NCKAP5: variants seen among roughly 807,000 people sequenced by gnomAD.
NCKAP5 encodes the protein nck-associated protein 5.
In NCKAP5, 92 loss-of-function variants were observed where a neutral mutation model predicts 167.0. The observed-to-expected ratio is 0.55, with a 90% CI of 0.47 to 0.66. The LOEUF (loss-of-function observed/expected upper bound fraction) is 0.66, where lower values mean the gene tolerates loss of function less well. NCKAP5 is among the 30% of genes least tolerant of loss of function. The pLI is 0.00. For synonymous variants in NCKAP5, 891 were observed against 877.4 expected (o/e 1.02, Z -0.27); for missense variants, 2,378 against 2,315.0 (o/e 1.03, Z -0.56).
intron 19 of NCKAP5, among the ~76,000 whole-genome samples, chr2:132,721,144 C>T (rs1558968037): frequency 6.6e-6 from 1 of 151,930 alleles, no homozygotes; most frequent in Non-Finnish European, 1.5e-5. Flanking sequence ...CCCGTCTCTA[C>T]TAAAAATACA....
the NCKAP5 span, among the ~76,000 whole-genome samples, chr2:133,598,101 A>G: frequency 6.6e-6 from 1 of 152,212 alleles, no homozygotes; most frequent in African/African-American, 2.4e-5. Flanking sequence ...GTTATCCTCA[A>G]GTGAGTTATT....
intron 19 of NCKAP5, among the ~76,000 whole-genome samples, chr2:132,699,498 G>A (rs1371063105): frequency 6.6e-6 from 1 of 150,580 alleles, no homozygotes; most frequent in Non-Finnish European, 1.5e-5. Flanking sequence ...CCCCACGACA[G>A]GCCCTGGTGT....
At chr2:133,222,147 C>T (rs1017965812) in intron 4 of NCKAP5, among the ~76,000 whole-genome samples, 4 of 152,048 alleles carry the variant, frequency 2.6e-5, no homozygotes, top group African/African-American at 7.2e-5. Flanking sequence ...GGATTAAGAA[C>T]CCCTTTACAC....
chr2:133,433,190 T>C (rs1690266176), intron 3 of NCKAP5, among the ~76,000 whole-genome samples: 1 of 152,240 alleles, frequency 6.6e-6, no homozygotes, highest in Non-Finnish European at 1.5e-5. Flanking sequence ...TGTATGACTT[T>C]AATGTGGTAA....
At chr2:133,183,068 G>A (rs749205608) in intron 5 of NCKAP5, among the ~76,000 whole-genome samples, 2 of 151,840 alleles carry the variant, frequency 1.3e-5, no homozygotes, top group Non-Finnish European at 2.9e-5. Flanking sequence ...ATAAGAAACA[G>A]ATAATTTCCA....
chr2:132,963,088 T>A lies in NCKAP5; in HGVS notation c.579+632A>T, dbSNP rs370370050. On this transcript the variant is annotated intron_variant, in intron 8 of 19. Transcript: ENST00000409261. ...TCAAGAACTAGTAACTAGAATGGTC[T>A]TTGATGACTGCTATAAAAATTCATG... Among the ~76,000 whole-genome samples the A allele has an allele frequency of 5.9e-5, 9 of 151,994 alleles. 1 individual carries two copies. In the East Asian group the frequency reaches 1.8e-3, roughly 30 times the overall value.
intron 8 of NCKAP5, among the ~76,000 whole-genome samples, chr2:132,941,425 G>A (rs1407173176): frequency 6.6e-6 from 1 of 152,158 alleles, no homozygotes; most frequent in Non-Finnish European, 1.5e-5. Flanking sequence ...AATCAGTGTA[G>A]TCCAACCAGT....
chr2:133,529,878 C>T (rs1685219477), intron 2 of NCKAP5, among the ~76,000 whole-genome samples: 1 of 152,072 alleles, frequency 6.6e-6, no homozygotes, highest in Non-Finnish European at 1.5e-5. Context: ...CCTATTGCCT[C>T]TTCCTTTTTG....
chr2:133,496,388 T>C (rs1022373753), intron 3 of NCKAP5, among the ~76,000 whole-genome samples: 1 of 152,176 alleles, frequency 6.6e-6, no homozygotes, highest in Non-Finnish European at 1.5e-5. Context: ...CTTCAGCTCA[T>C]GTTCATCTCC....
At chr2:133,165,067 G>A (rs1189303994) in intron 5 of NCKAP5, among the ~76,000 whole-genome samples, 2 of 134,340 alleles carry the variant, frequency 1.5e-5, no homozygotes, top group African/African-American at 5.6e-5. Context: ...AAACTTTCGG[G>A]TGTCACAGCT....
At chr2:133,064,463 A>G (rs1210860301) in intron 6 of NCKAP5, among the ~76,000 whole-genome samples, 1 of 152,168 alleles carries the variant, frequency 6.6e-6, no homozygotes, top group Non-Finnish European at 1.5e-5. Context: ...CTCTAAGCAG[A>G]TAATGCCATG....
At chr2:133,606,776 G>C in the NCKAP5 span, among the ~76,000 whole-genome samples, 5 of 150,220 alleles carry the variant, frequency 3.3e-5, no homozygotes, top group South Asian at 1.0e-3. Flanking sequence ...TTTAGCCTGA[G>C]AGCTTTTCTA....
At chr2:133,249,554 T>C (rs717758) in intron 4 of NCKAP5, among the ~76,000 whole-genome samples, 2 of 152,228 alleles carry the variant, frequency 1.3e-5, no homozygotes, top group Non-Finnish European at 2.9e-5. Flanking sequence ...ATACACTTTA[T>C]CTCTGATTGT....
In NCKAP5 at chr2:132,789,825, C is replaced by T. The variant is rs147670394; in HGVS notation, c.1092+198G>A. ...AGTTGTGGTCTCTGTCATCTCACCA[C>T]GCTGCCCTCCAATTTATAGTCAAAT... On this transcript the variant is annotated intron_variant, in intron 13 of 19. Coordinates refer to ENST00000409261, the MANE Select transcript of NCKAP5 (RefSeq NM_207363.3). 5.9e-3 allele frequency among the ~76,000 whole-genome samples: 902 copies of T among 152,266 alleles called. 4 individuals carry two copies. The highest frequency in any genetic ancestry group is 9.9e-3 in the Non-Finnish European group (671 of 68,026).
rs201749240 is a variant in NCKAP5, at chr2:132,956,037, A to C, written c.579+7683T>G. ...AGACAGGGTGGTCAAAGGGTACAAA[A>C]TCTGTTGATAATAGAGTATTACACA... On this transcript the variant is annotated intron_variant, in intron 8 of 19. Coordinates refer to ENST00000409261, the MANE Select transcript of NCKAP5 (RefSeq NM_207363.3). 7.3e-4 allele frequency among the ~76,000 whole-genome samples: 111 copies of C among 152,280 alleles called. 2 individuals are homozygous for C. The East Asian group carries it at 0.019, about 26-fold the overall frequency.
chr2:133,612,009 G>A, the NCKAP5 span, among the ~76,000 whole-genome samples: 1 of 152,120 alleles, frequency 6.6e-6, no homozygotes, highest in Non-Finnish European at 1.5e-5. Flanking sequence ...CTATGGTCAG[G>A]TAGGTATACT....
chr2:133,460,254 G>A (rs1354171282), intron 3 of NCKAP5, among the ~76,000 whole-genome samples: 1 of 152,104 alleles, frequency 6.6e-6, no homozygotes, highest in East Asian at 1.9e-4. Flanking sequence ...CTCACTTACT[G>A]AGCTGAATCA....
chr2:133,508,254 T>C lies in NCKAP5; in HGVS notation c.69+9204A>G, dbSNP rs79885917. On this transcript the variant is annotated intron_variant, in intron 3 of 19. Coordinates refer to ENST00000409261, the MANE Select transcript of NCKAP5 (RefSeq NM_207363.3). ...TGTGGCTTTCTCAATAAATTTCTGCTTCAGGGAACTCAAGGACACCATAGA... is the reference window on the plus strand; with the variant it reads ...TGTGGCTTTCTCAATAAATTTCTGCCTCAGGGAACTCAAGGACACCATAGA... Among the ~76,000 whole-genome samples, 300 of 152,254 alleles carry C rather than the reference T, an allele frequency of 2.0e-3. 8 individuals carry two copies. In the East Asian group the frequency reaches 0.052, roughly 26 times the overall value.
intron 5 of NCKAP5, among the ~76,000 whole-genome samples, chr2:133,191,031 G>A (rs4954044): frequency 6.6e-6 from 1 of 151,788 alleles, no homozygotes; most frequent in Non-Finnish European, 1.5e-5. Flanking sequence ...ATCTGACAAA[G>A]GGCTAATATA....
Sources: allele counts gnomAD v4.1 joint callset (sites outside exome capture counted in the v4.1 genomes callset), GRCh38; gene constraint gnomAD v4.1.1; transcripts MANE v1.5; gene names NCBI Gene and HGNC (gene_info 2026-07-23, HGNC 2026-07-21).